Variants in RYR2 observed in about 807,000 individuals in gnomAD.
RYR2 encodes cardiac muscle ryanodine receptor-calcium release channel.
In RYR2, 227 loss-of-function variants were observed where a neutral mutation model predicts 601.1. That is an observed-to-expected ratio of 0.38 (90% CI 0.34 to 0.42). The LOEUF (loss-of-function observed/expected upper bound fraction) is 0.42. RYR2 is among the 10% of genes least tolerant of loss of function. The probability of loss-of-function intolerance (pLI) is 1.00; values close to 1 mark genes in which losing one functional copy is unlikely to be tolerated. For missense variants in RYR2, 4,646 were observed against 6,156.5 expected (o/e 0.75, Z 8.21); for synonymous variants, 2,223 against 2,175.1 (o/e 1.02, Z -0.61).
intron 1 of RYR2, among the ~76,000 whole-genome samples, chr1:237,049,935 CA>C (rs1476565946): frequency 1.3e-5 from 2 of 152,120 alleles, no homozygotes; most frequent in Non-Finnish European, 2.9e-5. Context: ...AGAAGTGGCC[CA>C]TGTTTCTGGG....
At chr1:237,783,001 G>A (rs902233235) in intron 89 of RYR2, among the ~76,000 whole-genome samples, 1 of 152,106 alleles carries the variant, frequency 6.6e-6, no homozygotes, top group Non-Finnish European at 1.5e-5. Flanking sequence ...TATATAGCAC[G>A]TTCTGTTCAA....
At chr1:237,377,047 T>G (rs1701095605) in intron 7 of RYR2, among the ~76,000 whole-genome samples, 1 of 152,150 alleles carries the variant, frequency 6.6e-6, no homozygotes, top group Admixed American at 6.5e-5. Flanking sequence ...GAGTGGTGAA[T>G]TTAGCCTTAG....
At chr1:237,218,488 G>A (rs1197506726) in intron 1 of RYR2, among the ~76,000 whole-genome samples, 1 of 152,138 alleles carries the variant, frequency 6.6e-6, no homozygotes, top group East Asian at 1.9e-4. Flanking sequence ...TTGGACAACT[G>A]ACCCAAGATG....
intron 13 of RYR2, among the ~76,000 whole-genome samples, chr1:237,444,628 A>ATCCC (rs1223082911): frequency 2.0e-5 from 3 of 152,170 alleles, no homozygotes; most frequent in African/African-American, 7.2e-5. Context: ...CTTGTGAAGG[A>ATCCC]TAGGGATAGG....
chr1:237,264,945 A>G (rs1401854408), intron 1 of RYR2, among the ~76,000 whole-genome samples: 1 of 151,634 alleles, frequency 6.6e-6, no homozygotes, highest in Non-Finnish European at 1.5e-5. Flanking sequence ...CAGGTGATCC[A>G]CCTGCCTCGG....
In RYR2 at chr1:237,308,741, T is replaced by C. The variant is rs562869552; in HGVS notation, c.169-22137T>C. Among the ~76,000 whole-genome samples, 185 of 152,352 alleles carry C rather than the reference T, an allele frequency of 1.2e-3. 3 individuals are homozygous for C. The highest frequency in any genetic ancestry group is 3.3e-3 in the African/African-American group (138 of 41,580). ...AAGAGTGAGCAGCAGCAAGATTTAC[T>C]GCAAGGCGTGAAAGAACAAAGCTTC... On this transcript the variant is annotated intron_variant, in intron 2 of 104. Transcript: ENST00000366574.
intron 10 of RYR2, among the ~76,000 whole-genome samples, chr1:237,399,696 G>C (rs148323239): frequency 0.011 from 1,702 of 152,180 alleles, 16 homozygotes; most frequent in Non-Finnish European, 0.017. Flanking sequence ...GGCTAGGGTT[G>C]GACCGCACAA....
At chr1:237,278,094 A>G (rs2149372074) in intron 2 of RYR2, among the ~76,000 whole-genome samples, 1 of 151,872 alleles carries the variant, frequency 6.6e-6, no homozygotes, top group South Asian at 2.1e-4. Flanking sequence ...TTTTTGAGTC[A>G]GGATCTGGCT....
chr1:237,606,282 A>G (rs1229869405), intron 35 of RYR2, among the ~76,000 whole-genome samples: 2 of 152,202 alleles, frequency 1.3e-5, no homozygotes, highest in Non-Finnish European at 2.9e-5. Flanking sequence ...CAACCATCTG[A>G]TCTTTGACAA....
intron 2 of RYR2, among the ~76,000 whole-genome samples, chr1:237,292,161 A>G (rs540440139): frequency 6.6e-6 from 1 of 152,366 alleles, no homozygotes; most frequent in African/African-American, 2.4e-5. Flanking sequence ...AGAGAAATTG[A>G]TAAAGTATAG....
At chr1:237,790,476 A>C (rs1486111530) in intron 92 of RYR2, among the ~76,000 whole-genome samples, 3 of 152,160 alleles carry the variant, frequency 2.0e-5, no homozygotes, top group East Asian at 3.9e-4. Flanking sequence ...TTCACATAGT[A>C]GCTGGAGTGG....
chr1:237,687,630 C>T, intron 63 of RYR2, 126 bp downstream of exon 63: 1 of 748,764 alleles, frequency 1.3e-6, no homozygotes, highest in Non-Finnish European at 2.4e-6. Context: ...ATGGTCGTTG[C>T]AGGCCAAGAT....
At chr1:237,780,162 A>T (rs1192629696) in intron 88 of RYR2, among the ~76,000 whole-genome samples, 1 of 152,202 alleles carries the variant, frequency 6.6e-6, no homozygotes, top group African/African-American at 2.4e-5. Flanking sequence ...TTTATAGACC[A>T]AAGTTGAGGC....
Position 237,674,207 on chromosome 1 carries a change from A to G in RYR2, c.8702A>G (p.Tyr2901Cys). The stretch of plus-strand genomic sequence containing the variant: ...CTCAAGTTCTTGCAGATCAATGGAT[A>G]TGCTGTATCCAGGTAAAAGTACACA... ...DILKFLQING[Y>C]AVSRGFKDLE... Residue 2901 changes from tyrosine (Y) to cysteine (C), a missense_variant, in exon 59 of 105, where the codon TAT becomes TGT. Coordinates refer to ENST00000366574, the MANE Select transcript of RYR2 (RefSeq NM_001035.3). The G allele has an allele frequency of 6.2e-7, 1 of 1,611,286 alleles. No homozygotes were observed. Among genetic ancestry groups the G allele is most frequent in the Non-Finnish European group, 8.5e-7 (1 of 1,177,588 alleles).
At chr1:237,199,083 T>C (rs1262127737) in intron 1 of RYR2, among the ~76,000 whole-genome samples, 1 of 152,062 alleles carries the variant, frequency 6.6e-6, no homozygotes, top group Non-Finnish European at 1.5e-5. Context: ...TCCTGCAGAG[T>C]GTGTGAAACA....
rs1664076403 is a variant in RYR2, at chr1:237,833,715, A to G, written c.*1068A>G. 6.6e-6 allele frequency: 1 copy of G among 152,604 alleles called. No homozygotes were observed. Among genetic ancestry groups the G allele is most frequent in the Non-Finnish European group, 1.5e-5 (1 of 68,018 alleles). The allele number at this position is 152,604 out of a possible 1,614,324, so 9.5% of individuals were successfully genotyped here. On this transcript the variant is annotated 3_prime_UTR_variant, in exon 105 of 105. Transcript: ENST00000366574. ...CCACCTGTGATCAGTTTTGTTGATT[A>G]AGGACTTCTTGTCAGGCCATTTTTT... is the stretch of plus-strand genomic sequence containing the variant.
At chr1:237,518,909 C>T (rs1285928618) in intron 24 of RYR2, among the ~76,000 whole-genome samples, 1 of 152,160 alleles carries the variant, frequency 6.6e-6, no homozygotes, top group Non-Finnish European at 1.5e-5. Flanking sequence ...TTCTCTGCAT[C>T]CTCGCCAACA....
At chr1:237,626,882 C>T (rs1382342605) in intron 40 of RYR2, among the ~76,000 whole-genome samples, 2 of 151,962 alleles carry the variant, frequency 1.3e-5, no homozygotes, top group Non-Finnish European at 2.9e-5. Flanking sequence ...CAGAGTTCAA[C>T]GTTTCTTATG....
intron 2 of RYR2, among the ~76,000 whole-genome samples, chr1:237,326,876 T>A (rs958083539): frequency 1.3e-5 from 2 of 152,202 alleles, no homozygotes; most frequent in Non-Finnish European, 1.5e-5. Context: ...TGATCTTTAA[T>A]GAATGAATGA....
Sources: allele counts gnomAD v4.1 joint callset (sites outside exome capture counted in the v4.1 genomes callset), GRCh38; gene constraint gnomAD v4.1.1; transcripts MANE v1.5; gene names NCBI Gene and HGNC (gene_info 2026-07-23, HGNC 2026-07-21).